MAD1L1: variants seen among roughly 807,000 people sequenced by gnomAD.
The protein encoded by MAD1L1 is mitotic spindle assembly checkpoint protein MAD1.
In MAD1L1, 95 loss-of-function variants were observed where a neutral mutation model predicts 96.9. That is an observed-to-expected ratio of 0.98 (90% confidence interval 0.83 to 1.16). MAD1L1 has a LOEUF of 1.16. Ranked by LOEUF, MAD1L1 falls within the 50% of genes most tolerant of loss-of-function variation. MAD1L1 has a pLI of 0.00. For missense variants in MAD1L1, 1,007 were observed against 954.4 expected (o/e 1.06, Z -0.73); for synonymous variants, 473 against 396.6 (o/e 1.19, Z -2.29).
intron 18 of MAD1L1, among the ~76,000 whole-genome samples, chr7:1,820,441 T>C (rs963310614): frequency 2.6e-5 from 4 of 151,932 alleles, no homozygotes; most frequent in Non-Finnish European, 4.4e-5. Context: ...AAAACAAAAG[T>C]TATTAAAACC....
chr7:2,048,307 T>C lies in MAD1L1; in HGVS notation c.1218+20887A>G, dbSNP rs879166243. ...AGCTACCTGGGCTGCGAATCCTGCCTGTTCACCCAGGCAAGTTCCTTCATC... is the reference window on the plus strand; with the variant it reads ...AGCTACCTGGGCTGCGAATCCTGCCCGTTCACCCAGGCAAGTTCCTTCATC... On this transcript the variant is annotated intron_variant, in intron 12 of 18. Transcript: ENST00000265854. 1.4e-4 allele frequency among the ~76,000 whole-genome samples: 21 copies of C among 152,362 alleles called. No homozygotes were observed. The South Asian group carries it at 3.5e-3, about 26-fold the overall frequency.
At chr7:1,827,148 G>A (rs1289357693) in intron 18 of MAD1L1, among the ~76,000 whole-genome samples, 3 of 152,220 alleles carry the variant, frequency 2.0e-5, no homozygotes, top group Admixed American at 6.5e-5. Flanking sequence ...GGCTCCAAGG[G>A]CCGTGGAAGG....
At chr7:1,981,530 G>A (rs1456794827) in intron 14 of MAD1L1, among the ~76,000 whole-genome samples, 2 of 152,158 alleles carry the variant, frequency 1.3e-5, no homozygotes, top group African/African-American at 4.8e-5. Flanking sequence ...ATGGGTTTAG[G>A]GAGGTAAATC....
At chr7:1,905,829 T>C (rs983784740) in intron 17 of MAD1L1, among the ~76,000 whole-genome samples, 2 of 151,940 alleles carry the variant, frequency 1.3e-5, no homozygotes, top group Non-Finnish European at 2.9e-5. Context: ...GCAGGCAGAT[T>C]ATCTGAGGTC....
chr7:2,025,179 C>T (rs1782946425), intron 12 of MAD1L1, among the ~76,000 whole-genome samples: 1 of 152,140 alleles, frequency 6.6e-6, no homozygotes, highest in African/African-American at 2.4e-5. Context: ...TTCTGTAAAC[C>T]TTAAACTCTC....
intron 12 of MAD1L1, among the ~76,000 whole-genome samples, chr7:2,033,386 GTGGGCCCCGAAGCAGTGGAAGGAA>G (rs2128507415): frequency 6.6e-6 from 1 of 152,370 alleles, no homozygotes. Context: ...CTGAAAGGCT[GTGGGCCCCGAAGCAGTGGAAGGAA>G]TGACAGAGAA....
chr7:2,005,658 G>A (rs1308170182), intron 13 of MAD1L1, among the ~76,000 whole-genome samples: 1 of 152,034 alleles, frequency 6.6e-6, no homozygotes, highest in African/African-American at 2.4e-5. Flanking sequence ...AAAATCAGCT[G>A]GGTGTGGTAG....
intron 10 of MAD1L1, among the ~76,000 whole-genome samples, chr7:2,179,709 C>T (rs1295334925): frequency 6.6e-6 from 1 of 152,106 alleles, no homozygotes; most frequent in Non-Finnish European, 1.5e-5. Context: ...GTGGCTCACG[C>T]CTGTAATCCC....
chr7:1,947,609 TCTC>T (rs1779289038), intron 16 of MAD1L1, among the ~76,000 whole-genome samples: 1 of 149,394 alleles, frequency 6.7e-6, no homozygotes, highest in South Asian at 2.1e-4. Flanking sequence ...GGCCTTCCCA[TCTC>T]CTGCCCGTGG....
At chr7:1,985,404 C>T (rs997670006) in intron 14 of MAD1L1, among the ~76,000 whole-genome samples, 3 of 152,256 alleles carry the variant, frequency 2.0e-5, no homozygotes, top group Non-Finnish European at 2.9e-5. Context: ...GTCTGCTGTG[C>T]ACAGATGCAG....
intron 11 of MAD1L1, among the ~76,000 whole-genome samples, chr7:2,120,619 C>T (rs1347566555): frequency 6.6e-6 from 1 of 152,252 alleles, no homozygotes; most frequent in South Asian, 2.1e-4. Context: ...TTCCTCAGAG[C>T]CAGGAACTGT....
intron 16 of MAD1L1, among the ~76,000 whole-genome samples, chr7:1,954,667 C>T (rs1011078567): frequency 1.3e-4 from 20 of 152,234 alleles, no homozygotes; most frequent in African/African-American, 4.8e-4. Flanking sequence ...CACTTCAGAA[C>T]ACTGCAACAC....
At chr7:1,936,658 G>A in intron 17 of MAD1L1, 29 bp downstream of exon 17, 1 of 1,540,838 alleles carries the variant, frequency 6.5e-7, no homozygotes, top group Non-Finnish European at 8.7e-7. Flanking sequence ...GGTCGAGGAT[G>A]GCAGGGACCG....
intron 11 of MAD1L1, among the ~76,000 whole-genome samples, chr7:2,136,475 C>G (rs765093078): frequency 1.3e-5 from 2 of 152,212 alleles, no homozygotes; most frequent in Non-Finnish European, 2.9e-5. Context: ...TTTCTTTGTT[C>G]CGACTCTCTT....
chr7:2,179,947 G>A (rs769309154), intron 10 of MAD1L1, among the ~76,000 whole-genome samples: 2 of 151,458 alleles, frequency 1.3e-5, no homozygotes, highest in South Asian at 4.2e-4. Flanking sequence ...CTCCAGACTG[G>A]GCAACAAGAG....
In MAD1L1 at chr7:1,904,910, G is replaced by A. The variant is rs560833710; in HGVS notation, c.1808-6520C>T. 4.2e-5 allele frequency among the ~76,000 whole-genome samples: 4 copies of A among 94,226 alleles called. 1 individual carries two copies. The highest frequency in any genetic ancestry group is 3.5e-4 in the East Asian group (1 of 2,886). 61.8% of individuals were successfully genotyped at this position (94,226 alleles called of 152,430 possible). A position where few individuals can be genotyped will look rare whatever the true frequency, so the allele number is the denominator to read the frequency against. On this transcript the variant is annotated intron_variant, in intron 17 of 18. Transcript: ENST00000265854. ...TGTTCCAGGCAGCAAGGATGCAGTCGCCTATGGAAGACGTTCTTGTGGAAC... is the reference window on the plus strand; with the variant it reads ...TGTTCCAGGCAGCAAGGATGCAGTCACCTATGGAAGACGTTCTTGTGGAAC...
chr7:1,949,895 G>A (rs767903260), intron 16 of MAD1L1, among the ~76,000 whole-genome samples: 13 of 152,228 alleles, frequency 8.5e-5, no homozygotes, highest in Non-Finnish European at 1.8e-4. Context: ...GACATGCTCA[G>A]GGATATCAGC....
At chr7:1,879,183 G>A (rs2128662646) in intron 18 of MAD1L1, among the ~76,000 whole-genome samples, 1 of 152,310 alleles carries the variant, frequency 6.6e-6, no homozygotes, top group Non-Finnish European at 1.5e-5. Context: ...TAGAATGTCA[G>A]TTCTTCCCGG....
intron 18 of MAD1L1, among the ~76,000 whole-genome samples, chr7:1,896,405 G>A (rs577850362): frequency 1.4e-3 from 214 of 152,288 alleles, no homozygotes; most frequent in South Asian, 0.012. Context: ...GACGGGGATG[G>A]ACCTGGTGTC....
Sources: gnomAD v4.1 joint callset for allele counts (sites outside exome capture counted in the v4.1 genomes callset) on GRCh38, gnomAD v4.1.1 for gene constraint, MANE v1.5 for transcripts, NCBI Gene and HGNC (gene_info 2026-07-23, HGNC 2026-07-21) for gene names.